DAB1: variants seen among roughly 807,000 people sequenced by gnomAD.
The protein encoded by DAB1 is DAB adaptor protein 1, also known as disabled homolog 1.
DAB1 carries 15 observed loss-of-function variants against 64.6 expected under a neutral mutation model. The ratio of observed to expected loss-of-function variants is 0.23; its 90% CI spans 0.16 to 0.36. The LOEUF (loss-of-function observed/expected upper bound fraction) is 0.36, where lower values mean the gene tolerates loss of function less well. DAB1 is among the 10% of genes least tolerant of loss of function. The probability of loss-of-function intolerance (pLI) is 1.00; values close to 1 mark genes in which losing one functional copy is unlikely to be tolerated. For synonymous variants in DAB1, 235 were observed against 251.9 expected (o/e 0.93, Z 0.64); for missense variants, 596 against 706.7 (o/e 0.84, Z 1.78).
chr1:58,424,873 A>T (rs910676), intron 3 of DAB1, among the ~76,000 whole-genome samples: 2 of 151,716 alleles, frequency 1.3e-5, no homozygotes, highest in African/African-American at 4.8e-5. Context: ...TGTTTTGAGG[A>T]GCACTGAAAG....
At chr1:57,076,287 A>G (rs1472459186) in intron 4 of DAB1, among the ~76,000 whole-genome samples, 2 of 152,186 alleles carry the variant, frequency 1.3e-5, no homozygotes, top group Non-Finnish European at 2.9e-5. Context: ...GGAAAGGCAG[A>G]TGCTGGTTGC....
chr1:57,238,480 G>A (rs536348717), intron 2 of DAB1, among the ~76,000 whole-genome samples: 2 of 152,268 alleles, frequency 1.3e-5, no homozygotes, highest in East Asian at 1.9e-4. Flanking sequence ...ATGAAGATTC[G>A]CTCTCTTGCT....
chr1:57,337,196 GCTGC>G (rs1348150739), intron 1 of DAB1, among the ~76,000 whole-genome samples: 32 of 152,254 alleles, frequency 2.1e-4, no homozygotes, highest in Admixed American at 8.5e-4. Flanking sequence ...CAGCTTTCTG[GCTGC>G]AGTCTCTGCT....
At chr1:57,183,742 A>G (rs929451538) in intron 2 of DAB1, among the ~76,000 whole-genome samples, 3 of 152,198 alleles carry the variant, frequency 2.0e-5, no homozygotes, top group African/African-American at 7.2e-5. Context: ...TAAAATGAGG[A>G]CAAAACTTCC....
chr1:57,896,757 A>C (rs1240721413), intron 5 of DAB1, among the ~76,000 whole-genome samples: 1 of 152,190 alleles, frequency 6.6e-6, no homozygotes, highest in African/African-American at 2.4e-5. Context: ...GTATTTAGAA[A>C]TATGCCCCTG....
At chr1:58,149,250 T>C (rs557164369) in intron 5 of DAB1, among the ~76,000 whole-genome samples, 3 of 152,260 alleles carry the variant, frequency 2.0e-5, no homozygotes, top group African/African-American at 7.2e-5. Flanking sequence ...CTTGTTCTAG[T>C]GAACAAGAGA....
intron 2 of DAB1, among the ~76,000 whole-genome samples, chr1:57,286,105 A>G (rs1672295374): frequency 6.6e-6 from 1 of 152,186 alleles, no homozygotes; most frequent in Non-Finnish European, 1.5e-5. Context: ...AATTGTGAAT[A>G]CTCTAGTTAC....
At chr1:58,387,644 T>C (rs188100481) in intron 3 of DAB1, among the ~76,000 whole-genome samples, 43 of 152,262 alleles carry the variant, frequency 2.8e-4, no homozygotes, top group African/African-American at 1.0e-3. Context: ...CCCTCAGTGT[T>C]TTCTCTTCTC....
intron 3 of DAB1, among the ~76,000 whole-genome samples, chr1:58,478,262 C>A (rs1296282680): frequency 6.6e-6 from 1 of 152,152 alleles, no homozygotes; most frequent in Admixed American, 6.5e-5. Flanking sequence ...ACCCTTCCGC[C>A]ATGATTGTGA....
intron 4 of DAB1, among the ~76,000 whole-genome samples, chr1:58,212,773 G>C (rs1235370154): frequency 1.3e-5 from 2 of 152,124 alleles, no homozygotes; most frequent in African/African-American, 4.8e-5. Flanking sequence ...CAGAAGGAGT[G>C]AACCAGGGTA....
intron 6 of DAB1, among the ~76,000 whole-genome samples, chr1:57,719,341 G>T (rs1647123542): frequency 6.6e-6 from 1 of 152,160 alleles, no homozygotes; most frequent in South Asian, 2.1e-4. Context: ...ATTGAAACAG[G>T]GTTTGTACGT....
chr1:57,773,389 A>G (rs1649652332), intron 6 of DAB1, among the ~76,000 whole-genome samples: 1 of 151,932 alleles, frequency 6.6e-6, no homozygotes, highest in African/African-American at 2.4e-5. Flanking sequence ...ACGTACACAC[A>G]AACACTTTGG....
intron 7 of DAB1, among the ~76,000 whole-genome samples, chr1:57,636,906 T>C (rs1646063617): frequency 6.6e-6 from 1 of 152,144 alleles, no homozygotes; most frequent in African/African-American, 2.4e-5. Flanking sequence ...GGATGGATAA[T>C]ATAAATATGG....
chr1:58,320,581 C>A (rs1382719971), intron 4 of DAB1, among the ~76,000 whole-genome samples: 8 of 152,148 alleles, frequency 5.3e-5, no homozygotes, highest in African/African-American at 1.9e-4. Flanking sequence ...CTCAAAGCAC[C>A]TTCTAGGTTG....
chr1:58,431,989 A>G lies in DAB1; in HGVS notation n.257+74071T>C, dbSNP rs1013475678. ...GTGAAGCTGACCAGGGCTTGAACAT[A>G]GATTTCTCAGAAGCTCTGGAGCGAT... On this transcript the variant is annotated intron_variant and non_coding_transcript_variant, in intron 3 of 20. Transcript: ENST00000485760. Among the ~76,000 whole-genome samples, 5 of 152,212 alleles carry G rather than the reference A, an allele frequency of 3.3e-5. No individual in the cohort carries two copies. In the South Asian group the frequency reaches 8.3e-4, roughly 25 times the overall value.
At chr1:58,463,991 T>A (rs1483449391) in intron 3 of DAB1, among the ~76,000 whole-genome samples, 1 of 152,128 alleles carries the variant, frequency 6.6e-6, no homozygotes, top group African/African-American at 2.4e-5. Context: ...AGCAAATGGA[T>A]CTTGCATCCA....
chr1:58,316,494 C>A (rs1662561273), intron 4 of DAB1, among the ~76,000 whole-genome samples: 1 of 152,148 alleles, frequency 6.6e-6, no homozygotes, highest in Non-Finnish European at 1.5e-5. Flanking sequence ...AGACCTCAGT[C>A]TCTGCCCTTG....
At chr1:57,581,604 A>G (rs1645312714) in intron 7 of DAB1, among the ~76,000 whole-genome samples, 1 of 151,892 alleles carries the variant, frequency 6.6e-6, no homozygotes, top group African/African-American at 2.4e-5. Context: ...TGAGATATAC[A>G]TGAAATCATT....
intron 1 of DAB1, among the ~76,000 whole-genome samples, chr1:57,364,655 T>C (rs1310620180): frequency 6.6e-6 from 1 of 152,022 alleles, no homozygotes; most frequent in Non-Finnish European, 1.5e-5. Context: ...CCAAACATCC[T>C]CTATTACTAG....
Sources: gnomAD v4.1 joint callset for allele counts (sites outside exome capture counted in the v4.1 genomes callset) on GRCh38, gnomAD v4.1.1 for gene constraint, MANE v1.5 for transcripts, NCBI Gene and HGNC (gene_info 2026-07-23, HGNC 2026-07-21) for gene names.